The following SV2C variants were observed in gnomAD, a reference collection of about 807,000 sequenced individuals.
SV2C encodes solute carrier family 22 member B3.
SV2C carries 49 observed loss-of-function variants against 79.7 expected under a neutral mutation model. The observed-to-expected ratio is 0.61, with a 90% CI of 0.49 to 0.78. The LOEUF is 0.78. Among genes scored for constraint, SV2C ranks in the 30% least tolerant of loss-of-function variants. The probability of loss-of-function intolerance (pLI) is 0.00; values close to 1 mark genes in which losing one functional copy is unlikely to be tolerated. For synonymous variants in SV2C, 334 were observed against 333.2 expected (o/e 1.00, Z -0.03); for missense variants, 833 against 912.9 (o/e 0.91, Z 1.13).
At chr5:76,097,881 G>C (rs930754227) in intron 1 of SV2C, among the ~76,000 whole-genome samples, 1 of 152,146 alleles carries the variant, frequency 6.6e-6, no homozygotes, top group African/African-American at 2.4e-5. Context: ...AGTTGAGAGA[G>C]GGTAGTGTGT....
chr5:76,143,656 G>T (rs75837044), intron 2 of SV2C, among the ~76,000 whole-genome samples: 2,537 of 152,314 alleles, frequency 0.017, 77 homozygotes, highest in African/African-American at 0.058. Context: ...CACAACAGCA[G>T]TGGAGACTGG....
the SV2C span, among the ~76,000 whole-genome samples, chr5:75,960,073 CT>C: frequency 6.6e-6 from 1 of 151,870 alleles, no homozygotes; most frequent in Non-Finnish European, 1.5e-5. Flanking sequence ...GCTAGCATTC[CT>C]TTTCATAATT....
the SV2C span, among the ~76,000 whole-genome samples, chr5:76,041,007 G>T: frequency 6.6e-6 from 1 of 152,130 alleles, no homozygotes; most frequent in Non-Finnish European, 1.5e-5. Flanking sequence ...GTGGGGTGTT[G>T]TCTGGCAGAG....
the SV2C span, among the ~76,000 whole-genome samples, chr5:76,032,776 C>T: frequency 2.6e-5 from 4 of 152,208 alleles, no homozygotes; most frequent in Admixed American, 6.5e-5. Flanking sequence ...AATGGGATGG[C>T]TGGGTCAAAT....
the SV2C span, among the ~76,000 whole-genome samples, chr5:75,903,170 C>T: frequency 7.9e-5 from 12 of 152,014 alleles, no homozygotes; most frequent in Admixed American, 3.9e-4. Context: ...TGTCATTGTT[C>T]CAGTATTCCA....
At chr5:76,264,281 A>G (rs140316754) in intron 4 of SV2C, among the ~76,000 whole-genome samples, 54 of 151,836 alleles carry the variant, frequency 3.6e-4, no homozygotes, top group African/African-American at 1.3e-3. Flanking sequence ...TTCAGCTCCA[A>G]CAGGCCATTT....
the SV2C span, among the ~76,000 whole-genome samples, chr5:76,020,403 T>C: frequency 1.3e-5 from 2 of 152,204 alleles, no homozygotes; most frequent in Non-Finnish European, 2.9e-5. Flanking sequence ...TCTATTACAG[T>C]CATTCTGTCC....
chr5:76,046,890 C>G, the SV2C span, among the ~76,000 whole-genome samples: 1 of 152,120 alleles, frequency 6.6e-6, no homozygotes, highest in Non-Finnish European at 1.5e-5. Flanking sequence ...GTGGCTTCAC[C>G]CATTACGGAA....
the SV2C span, among the ~76,000 whole-genome samples, chr5:75,866,439 A>G: frequency 0.28 from 43,321 of 152,040 alleles, 9,943 homozygotes; most frequent in African/African-American, 0.64. Context: ...CTATGGCTGG[A>G]GCACAACTAT....
At chr5:76,103,454 A>G (rs763319424) in intron 1 of SV2C, among the ~76,000 whole-genome samples, 69 of 152,182 alleles carry the variant, frequency 4.5e-4, no homozygotes, top group Admixed American at 1.9e-3. Context: ...GAATATAATG[A>G]TTGTGCAAAG....
At chr5:76,241,394 G>A (rs1349711500) in intron 4 of SV2C, among the ~76,000 whole-genome samples, 8 of 152,106 alleles carry the variant, frequency 5.3e-5, no homozygotes, top group African/African-American at 7.2e-5. Flanking sequence ...AACAGGGAAA[G>A]TTTAGAGTGA....
At chr5:75,874,690 G>A in the SV2C span, among the ~76,000 whole-genome samples, 1 of 152,096 alleles carries the variant, frequency 6.6e-6, no homozygotes, top group Non-Finnish European at 1.5e-5. Context: ...TCCTCCAGCT[G>A]ATAAAAAATT....
intron 10 of SV2C, among the ~76,000 whole-genome samples, chr5:76,300,360 CT>C (rs1747945333): frequency 6.6e-6 from 1 of 151,846 alleles, no homozygotes; most frequent in Non-Finnish European, 1.5e-5. Flanking sequence ...AGTATGGACA[CT>C]ATTAGTACTA....
At chr5:76,268,653 G>A (rs143782722) in intron 4 of SV2C, among the ~76,000 whole-genome samples, 39 of 152,274 alleles carry the variant, frequency 2.6e-4, no homozygotes, top group African/African-American at 9.1e-4. Context: ...ACTTTTCTGT[G>A]GTAATAACCA....
intron 12 of SV2C, among the ~76,000 whole-genome samples, chr5:76,303,498 G>T (rs1278537886): frequency 6.6e-6 from 1 of 152,150 alleles, no homozygotes; most frequent in Non-Finnish European, 1.5e-5. Flanking sequence ...CCTCCTCAAT[G>T]TTAAAGCAAG....
At chr5:76,317,136 A>G (rs1417928258) in intron 12 of SV2C, among the ~76,000 whole-genome samples, 1 of 152,212 alleles carries the variant, frequency 6.6e-6, no homozygotes, top group Non-Finnish European at 1.5e-5. Flanking sequence ...TAGCATTGTA[A>G]TGTGATAGCT....
the SV2C span, among the ~76,000 whole-genome samples, chr5:76,034,737 T>G: frequency 6.6e-6 from 1 of 152,220 alleles, no homozygotes; most frequent in East Asian, 1.9e-4. Context: ...CTGCCTGCCT[T>G]TGGTATCAGG....
At chr5:76,280,800 T>C (rs1747162321) in intron 4 of SV2C, among the ~76,000 whole-genome samples, 1 of 152,214 alleles carries the variant, frequency 6.6e-6, no homozygotes, top group Non-Finnish European at 1.5e-5. Context: ...AGCCTAGGTC[T>C]AAGCACAATC....
chr5:76,152,628 G>T (rs1289537043), intron 2 of SV2C, among the ~76,000 whole-genome samples: 1 of 152,180 alleles, frequency 6.6e-6, no homozygotes, highest in East Asian at 1.9e-4. Flanking sequence ...GTACAGAATT[G>T]CCCAGGGCAG....
Sources: allele counts gnomAD v4.1 joint callset (sites outside exome capture counted in the v4.1 genomes callset), GRCh38; gene constraint gnomAD v4.1.1; transcripts MANE v1.5; gene names NCBI Gene and HGNC (gene_info 2026-07-23, HGNC 2026-07-21).